DCST1: variants seen among roughly 807,000 people sequenced by gnomAD.
DCST1 encodes DC-STAMP domain containing 1.
Under a neutral mutation model 89.1 loss-of-function variants are expected in DCST1, and 78 were observed. That is an observed-to-expected ratio of 0.88 (90% CI 0.73 to 1.06). The LOEUF is 1.06. Ranked by LOEUF, DCST1 falls within the 50% of genes least tolerant of loss-of-function variation. The pLI, the probability that DCST1 is intolerant of heterozygous loss-of-function variation, is 0.00. For synonymous variants in DCST1, 364 were observed against 371.9 expected, an observed-to-expected ratio of 0.98 and a Z score of 0.24; for missense variants, 900 against 928.6, an observed-to-expected ratio of 0.97 and a Z score of 0.40.
chr1:155,042,629 G>C, intron 8 of DCST1, 106 bp from the exon 9 acceptor site: 3 of 1,503,452 alleles, frequency 2.0e-6, no homozygotes, highest in Non-Finnish European at 1.8e-6. Flanking sequence ...CATGGGCAGA[G>C]AGACAAAAAA....
chr1:155,049,593 A>G (rs1339967886), intron 16 of DCST1, among the ~76,000 whole-genome samples: 5 of 152,050 alleles, frequency 3.3e-5, no homozygotes, highest in African/African-American at 9.7e-5. Flanking sequence ...TTAGAATTGA[A>G]ATAATTTATG....
At chr1:155,046,278 T>C in intron 12 of DCST1, 58 bp downstream of exon 12, 1 of 1,613,686 alleles carries the variant, frequency 6.2e-7, no homozygotes, top group Non-Finnish European at 8.5e-7. Context: ...AAGGTGAGGG[T>C]GGAGGGTAAA....
In DCST1 at chr1:155,034,016, G is replaced by A; in HGVS notation, c.-21G>A. ...TCCTTCAGGAGACCTGGGATGAGTG[G>A]TGCTTCCCCAAAACAGACTCATGGA... is the stretch of plus-strand genomic sequence containing the variant. On this transcript the variant is annotated 5_prime_UTR_variant, in exon 2 of 17. The change creates a new upstream start codon in the 5' untranslated region. Transcript: ENST00000295542. 1 of 1,614,066 alleles carries A rather than the reference G, an allele frequency of 6.2e-7. No individual in the cohort carries two copies. The highest frequency in any genetic ancestry group is 2.2e-5 in the East Asian group (1 of 44,876).
In DCST1 at chr1:155,034,442, G is replaced by C; in HGVS notation, c.69G>C (p.Gln23His). ...ACCCTGTCCCCCTCTTAGCGGTGCA[G>C]AGGCTCCTGACCTGGGGGCTGCCAG... ...QRRKQPHTTV[Q>H]RLLTWGLPVS... Residue 23 changes from glutamine (Q) to histidine (H), a missense_variant, in exon 3 of 17, where the codon CAG (glutamine) becomes CAC (histidine). Gln to His is a conservative substitution (Grantham distance 24, BLOSUM62 0). Transcript: ENST00000295542. 6.2e-7 allele frequency: 1 copy of C among 1,614,060 alleles called. No homozygotes were observed. Among genetic ancestry groups the C allele is most frequent in the Non-Finnish European group, 8.5e-7 (1 of 1,180,036 alleles).
In DCST1 at chr1:155,043,383, A is replaced by G. The variant is rs1159993075; in HGVS notation, c.1046A>G (p.Asn349Ser). ...EEKQAGVLGL[N>S]TSWERVSTEV... is the part of the protein sequence containing the mutation. ...AAGCAGGCTGGGGTGCTGGGGCTCA[A>G]CACAAGCTGGGAGCGCGTGAGCACC... The change falls in exon 10 of 17, where the codon AAC (asparagine) becomes AGC (serine). Residue 349 changes from asparagine to serine, a missense_variant. Physicochemically the swap from Asn to Ser is conservative, Grantham distance 46 (BLOSUM62 1). Coordinates refer to ENST00000295542, the MANE Select transcript of DCST1 (RefSeq NM_152494.4). 2 of 1,614,056 alleles carry G rather than the reference A, an allele frequency of 1.2e-6. No homozygotes were observed. The highest frequency in any genetic ancestry group is 1.7e-6 in the Non-Finnish European group (2 of 1,179,982).
At chr1:155,041,680 T>G (rs754811628) in intron 7 of DCST1, 34 bp from the exon 8 acceptor site, 2 of 1,614,044 alleles carry the variant, frequency 1.2e-6, no homozygotes, top group South Asian at 1.1e-5. Flanking sequence ...GATCAAGATG[T>G]GGGAACCTCA....
chr1:155,037,856 G>A (rs1427057526), intron 4 of DCST1, among the ~76,000 whole-genome samples: 4 of 152,198 alleles, frequency 2.6e-5, no homozygotes, highest in Admixed American at 2.6e-4. Context: ...TAGAACATAG[G>A]GCAACTATTT....
In DCST1 at chr1:155,050,517, G is replaced by A. The variant is rs564132846; in HGVS notation, c.1870-100G>A. On this transcript the variant is annotated intron_variant, in intron 16 of 16. Coordinates refer to ENST00000295542, the MANE Select transcript of DCST1 (RefSeq NM_152494.4). ...CCAACCCAGCCTCCTCCAACACGCGGGAATTGTCAGGCCTGGCGACTTCAG... is the reference window on the plus strand; with the variant it reads ...CCAACCCAGCCTCCTCCAACACGCGAGAATTGTCAGGCCTGGCGACTTCAG... 8 of 1,425,688 alleles carry A rather than the reference G, an allele frequency of 5.6e-6. No individual in the cohort carries two copies. In the East Asian group the frequency reaches 1.0e-4, roughly 18 times the overall value. 88.3% of individuals were successfully genotyped at this position (1,425,688 alleles called of 1,614,324 possible).
At chr1:155,039,727 G>A (rs1303718653) in intron 5 of DCST1, among the ~76,000 whole-genome samples, 196 bp downstream of exon 5, 2 of 152,130 alleles carry the variant, frequency 1.3e-5, no homozygotes, top group Non-Finnish European at 2.9e-5. Context: ...GGCCAGGCAC[G>A]GTGGTTCATG....
Position 155,034,540 on chromosome 1 carries a change from C to T in DCST1, c.167C>T (p.Ala56Val). The change falls in exon 3 of 17, where the codon GCT becomes GTT. Residue 56 changes from alanine to valine, a missense_variant. Ala to Val is a moderately conservative substitution (Grantham distance 64, BLOSUM62 0). Coordinates refer to ENST00000295542, the MANE Select transcript of DCST1 (RefSeq NM_152494.4). ...ACTGCTCTCCTGCTGGGGGCAGGCG[C>T]TGGGGGGCTCCTGGCCATAGGTGAG... ...PVTALLLGAGAGGLLAIGLFQ... is the reference protein window; with the variant it reads ...PVTALLLGAGVGGLLAIGLFQ... 1 of 1,613,700 alleles carries T rather than the reference C, an allele frequency of 6.2e-7. No homozygotes were observed. Among genetic ancestry groups the T allele is most frequent in the Non-Finnish European group, 8.5e-7 (1 of 1,179,982 alleles).
At chr1:155,040,416 G>A (rs1660405170) in intron 5 of DCST1, 69 bp from the exon 6 acceptor site, 1 of 1,514,262 alleles carries the variant, frequency 6.6e-7, no homozygotes, top group Non-Finnish European at 8.9e-7. Context: ...ATTTGCAGAG[G>A]GAAGCTGAGC....
intron 16 of DCST1, chr1:155,049,193 C>T (rs1660765981): frequency 1.6e-6 from 1 of 634,392 alleles, no homozygotes; most frequent in Admixed American, 2.5e-5. Flanking sequence ...ACTGCTGTGC[C>T]TGGGCTTTTG....
intron 9 of DCST1, 152 bp from the exon 10 acceptor site, chr1:155,043,200 G>A (rs1445741085): frequency 7.4e-6 from 8 of 1,081,356 alleles, no homozygotes; most frequent in Non-Finnish European, 1.1e-5. Context: ...TGTCCAGGAG[G>A]GTGGTGAGCA....
At chr1:155,040,077 C>T (rs903689461) in intron 5 of DCST1, among the ~76,000 whole-genome samples, 51 of 140,650 alleles carry the variant, frequency 3.6e-4, no homozygotes, top group South Asian at 1.4e-3. Context: ...CCGAAGCGGG[C>T]GGATCACGAA....
rs779409349 is a variant in DCST1, at chr1:155,047,215, G to T, written c.1515G>T (p.Val505=). The change falls in exon 14 of 17, where the codon GTG becomes GTT. Residue 505 remains valine (V), a synonymous_variant. Transcript: ENST00000295542. ...YSFRSSHKLE[V]KVGGDSMLAR... ...CCGCAGGCAGTCATAAACTGGAGGT[G>T]AAGGTCGGGGGAGACTCCATGCTAG... The T allele has an allele frequency of 6.2e-7, 1 of 1,614,236 alleles. No homozygotes were observed. The highest frequency in any genetic ancestry group is 8.5e-7 in the Non-Finnish European group (1 of 1,180,040).
chr1:155,046,025 T>G, intron 11 of DCST1, 33 bp downstream of exon 11: 1 of 1,613,218 alleles, frequency 6.2e-7, no homozygotes, highest in Non-Finnish European at 8.5e-7. Context: ...GGGGATGCCT[T>G]GCTGCTGTGT....
intron 5 of DCST1, 28 bp from the exon 6 acceptor site, chr1:155,040,457 G>A (rs1558107335): frequency 1.9e-6 from 3 of 1,589,220 alleles, no homozygotes; most frequent in Non-Finnish European, 2.6e-6. Context: ...TATACAGGGA[G>A]GTGACCAACC....
At chr1:155,043,277 A>G in intron 9 of DCST1, 75 bp from the exon 10 acceptor site, 1 of 1,606,974 alleles carries the variant, frequency 6.2e-7, no homozygotes, top group Non-Finnish European at 8.5e-7. Flanking sequence ...ACTGGGGAAC[A>G]GATGTCATGA....
intron 4 of DCST1, among the ~76,000 whole-genome samples, chr1:155,035,407 C>T (rs1284015347): frequency 1.3e-5 from 2 of 152,152 alleles, no homozygotes; most frequent in Non-Finnish European, 2.9e-5. Flanking sequence ...AAAGATCTAC[C>T]TGCCTCGGCC....
Sources: gnomAD v4.1 joint callset for allele counts (sites outside exome capture counted in the v4.1 genomes callset) on GRCh38, gnomAD v4.1.1 for gene constraint, MANE v1.5 for transcripts, NCBI Gene and HGNC (gene_info 2026-07-23, HGNC 2026-07-21) for gene names.